Variants in COLGALT2 observed in about 807,000 individuals in gnomAD.
COLGALT2 encodes procollagen galactosyltransferase 2.
Under a neutral mutation model 73.4 loss-of-function variants are expected in COLGALT2, and 49 were observed. That is an observed-to-expected ratio of 0.67 (90% CI 0.53 to 0.85). COLGALT2 has a LOEUF of 0.85. Ranked by LOEUF, COLGALT2 falls within the 40% of genes least tolerant of loss-of-function variation. The pLI is 0.00. For missense variants in COLGALT2, 722 were observed against 790.2 expected (o/e 0.91, Z 1.03); for synonymous variants, 295 against 307.6 (o/e 0.96, Z 0.43).
chr1:184,025,856 G>GT (rs1649316208), intron 1 of COLGALT2, among the ~76,000 whole-genome samples: 1 of 152,224 alleles, frequency 6.6e-6, no homozygotes, highest in Non-Finnish European at 1.5e-5. Context: ...CGATTATGCA[G>GT]TTATGTGAAC....
intron 1 of COLGALT2, among the ~76,000 whole-genome samples, chr1:184,000,198 C>A (rs1430201215): frequency 6.6e-6 from 1 of 152,104 alleles, no homozygotes; most frequent in African/African-American, 2.4e-5. Context: ...TTCCTTTCAA[C>A]TTTTCAGTCT....
intron 1 of COLGALT2, among the ~76,000 whole-genome samples, chr1:184,005,491 G>A (rs1168912866): frequency 2.0e-5 from 3 of 152,208 alleles, no homozygotes; most frequent in African/African-American, 7.2e-5. Flanking sequence ...CTAAGGCCCA[G>A]ACAACTGTGT....
chr1:183,945,728 CTAGT>C, intron 8 of COLGALT2, 164 bp from the exon 9 acceptor site: 1 of 743,762 alleles, frequency 1.3e-6, no homozygotes, highest in Non-Finnish European at 2.2e-6. Context: ...ATGTGTCACA[CTAGT>C]ATTATGAGGT....
chr1:183,973,504 T>G (rs1006613013), intron 4 of COLGALT2, 112 bp downstream of exon 4: 30 of 1,358,114 alleles, frequency 2.2e-5, no homozygotes, highest in Non-Finnish European at 2.0e-5. Context: ...GGGAACACAA[T>G]GACACGCATG....
chr1:184,000,629 T>C (rs1671894251), intron 1 of COLGALT2, among the ~76,000 whole-genome samples: 1 of 151,966 alleles, frequency 6.6e-6, no homozygotes, highest in African/African-American at 2.4e-5. Context: ...ATTTTCTTTG[T>C]TCATCATAGA....
At position 184,006,445 on chromosome 1, in the gene COLGALT2, G is replaced by A. The variant is rs1221591584; in HGVS notation, c.264-27925C>T. Among the ~76,000 whole-genome samples the A allele has an allele frequency of 6.8e-4, 103 of 151,994 alleles. 2 individuals carry two copies. Among genetic ancestry groups the A allele is most frequent in the East Asian group, 1.9e-4 (1 of 5,186 alleles). ...ACTAAAAATACAAAATTAGCTGGGC[G>A]TGGTGGTGCATGCCTGTAATCCCAG... is the stretch of plus-strand genomic sequence containing the variant. On this transcript the variant is annotated intron_variant, in intron 1 of 11. Transcript: ENST00000361927.
At chr1:184,031,327 A>G (rs1228241546) in intron 1 of COLGALT2, among the ~76,000 whole-genome samples, 3 of 152,222 alleles carry the variant, frequency 2.0e-5, no homozygotes, top group African/African-American at 7.2e-5. Flanking sequence ...ACAGCAAGTG[A>G]CCTGCATATT....
chr1:183,941,255 G>C (rs913866357), intron 10 of COLGALT2, among the ~76,000 whole-genome samples: 3 of 152,150 alleles, frequency 2.0e-5, no homozygotes, highest in African/African-American at 7.2e-5. Flanking sequence ...CAAATAAGCT[G>C]GGGGAAAGAG....
chr1:183,938,641 G>T lies in COLGALT2; in HGVS notation c.*120C>A. On this transcript the variant is annotated 3_prime_UTR_variant, in exon 12 of 12. Coordinates refer to ENST00000361927, the MANE Select transcript of COLGALT2 (RefSeq NM_015101.4). ...CGATCTATCACACTAGATCACTTTG[G>T]TTAGATGACTGTGACCACTAAGAAC... The T allele has an allele frequency of 6.8e-7, 1 of 1,472,956 alleles. No homozygotes were observed. Among genetic ancestry groups the T allele is most frequent in the Non-Finnish European group, 9.0e-7 (1 of 1,111,024 alleles). 91.2% of individuals were successfully genotyped at this position (1,472,956 alleles called of 1,614,324 possible).
At chr1:184,022,564 A>T (rs1349530256) in intron 1 of COLGALT2, among the ~76,000 whole-genome samples, 1 of 152,240 alleles carries the variant, frequency 6.6e-6, no homozygotes, top group Non-Finnish European at 1.5e-5. Flanking sequence ...TAAAACACAG[A>T]GTATGGTTCT....
chr1:183,973,489 G>T, intron 4 of COLGALT2, 127 bp downstream of exon 4: 2 of 1,216,158 alleles, frequency 1.6e-6, no homozygotes, highest in Admixed American at 2.1e-5. Context: ...AAAAATGCTT[G>T]CTCTGGGAAC....
intron 1 of COLGALT2, among the ~76,000 whole-genome samples, chr1:184,021,713 A>G (rs1190357900): frequency 6.6e-6 from 1 of 152,222 alleles, no homozygotes; most frequent in Non-Finnish European, 1.5e-5. Flanking sequence ...AAGAATAATA[A>G]AATGACTACT....
intron 5 of COLGALT2, among the ~76,000 whole-genome samples, chr1:183,966,411 C>A (rs1429857784): frequency 6.6e-6 from 1 of 152,184 alleles, no homozygotes; most frequent in Non-Finnish European, 1.5e-5. Flanking sequence ...GTAATTATCC[C>A]TATCTTTGGT....
At chr1:183,948,127 A>T (rs2102793710) in intron 8 of COLGALT2, among the ~76,000 whole-genome samples, 1 of 152,252 alleles carries the variant, frequency 6.6e-6, no homozygotes, top group East Asian at 1.9e-4. Context: ...CTAGAACCAG[A>T]TGGCTTCACT....
intron 11 of COLGALT2, 72 bp from the exon 12 acceptor site, chr1:183,939,109 A>AG (rs1344336881): frequency 8.8e-7 from 1 of 1,131,068 alleles, no homozygotes; most frequent in East Asian, 2.4e-5. Flanking sequence ...CAAAGAGTGA[A>AG]GGAGGCCTCC....
Position 184,011,403 on chromosome 1 carries a change from A to G in COLGALT2, c.263+25692T>C, listed in dbSNP as rs556608315. Among the ~76,000 whole-genome samples the G allele has an allele frequency of 5.7e-4, 87 of 152,144 alleles. 2 individuals are homozygous for G. The highest frequency in any genetic ancestry group is 5.5e-3 in the Admixed American group (84 of 15,272). On this transcript the variant is annotated intron_variant, in intron 1 of 11. Transcript: ENST00000361927. ...ATCCAGAGAGAGATTACTATGCACA[A>G]CCTCCTTTTTCTTTCCAACTCACTC...
At chr1:183,932,379 G>C (rs766193420), downstream of COLGALT2, among the ~76,000 whole-genome samples, 1 of 152,088 alleles carries the variant, frequency 6.6e-6, no homozygotes, top group Non-Finnish European at 1.5e-5. Context: ...GGGAAAGTGC[G>C]GTTCACTTTG....
chr1:184,010,145 T>C (rs1487773693), intron 1 of COLGALT2, among the ~76,000 whole-genome samples: 2 of 152,140 alleles, frequency 1.3e-5, no homozygotes, highest in Admixed American at 6.6e-5. Flanking sequence ...CAGCCAGTCA[T>C]GCAGGTGAAT....
intron 5 of COLGALT2, chr1:183,964,430 C>T (rs1275471776): frequency 4.7e-6 from 1 of 212,922 alleles, no homozygotes; most frequent in Non-Finnish European, 9.2e-6. Context: ...TGAAAGCAAA[C>T]AGGAAAATTC....
Sources: gnomAD v4.1 joint callset for allele counts (sites outside exome capture counted in the v4.1 genomes callset) on GRCh38, gnomAD v4.1.1 for gene constraint, MANE v1.5 for transcripts, NCBI Gene and HGNC (gene_info 2026-07-23, HGNC 2026-07-21) for gene names.